NAA11: variants seen among roughly 807,000 people sequenced by gnomAD.
NAA11 encodes the protein N-alpha-acetyltransferase 11.
A neutral mutation model predicts 16.1 loss-of-function variants in NAA11; 15 were observed. That is an observed-to-expected ratio of 0.93 (90% CI 0.62 to 1.44). The LOEUF (loss-of-function observed/expected upper bound fraction) is 1.44. NAA11 is among the 40% of genes most tolerant of loss of function. The pLI is 0.00. For synonymous variants in NAA11, 122 were observed against 112.4 expected, an observed-to-expected ratio of 1.09 and a Z score of -0.54; for missense variants, 298 against 291.3, an observed-to-expected ratio of 1.02 and a Z score of -0.17.
chr4:79,256,937 C>T (rs1167267421), intron 2 of NAA11, among the ~76,000 whole-genome samples: 1 of 151,884 alleles, frequency 6.6e-6, no homozygotes, highest in Non-Finnish European at 1.5e-5. Context: ...CCATGCCCGG[C>T]CTGTAAATAC....
At chr4:79,174,629 G>T in the NAA11 span, among the ~76,000 whole-genome samples, 1 of 152,150 alleles carries the variant, frequency 6.6e-6, no homozygotes, top group Non-Finnish European at 1.5e-5. Context: ...ACAACTGGAT[G>T]CATCAGCTCA....
rs530590232 is a variant in NAA11 at position 79,309,235 on chromosome 4, T to G, written c.*13-15121A>C. On this transcript the variant is annotated intron_variant and NMD_transcript_variant, in intron 1 of 2. Transcript: ENST00000511542. Reference sequence around the variant, plus strand: ...GCTGGTCAAGATGATTTCTTGGAGATTATTGCTCATTTATTTTTTTAACAG... The same window carrying G: ...GCTGGTCAAGATGATTTCTTGGAGAGTATTGCTCATTTATTTTTTTAACAG... 2.3e-4 allele frequency among the ~76,000 whole-genome samples: 35 copies of G among 152,322 alleles called. No homozygotes were observed. The South Asian group carries it at 7.3e-3, about 32-fold the overall frequency.
chr4:79,272,850 G>A (rs905276056), intron 2 of NAA11, among the ~76,000 whole-genome samples: 3 of 151,916 alleles, frequency 2.0e-5, no homozygotes, highest in African/African-American at 4.8e-5. Context: ...GGAACGGGTT[G>A]AATTGCTAGA....
chr4:79,201,969 A>C, the NAA11 span, among the ~76,000 whole-genome samples: 1 of 151,688 alleles, frequency 6.6e-6, no homozygotes, highest in African/African-American at 2.4e-5. Flanking sequence ...GTGAAGTTTC[A>C]ATGCATGTAT....
chr4:79,267,194 T>C (rs921767084), intron 2 of NAA11, among the ~76,000 whole-genome samples: 1 of 152,174 alleles, frequency 6.6e-6, no homozygotes, highest in Non-Finnish European at 1.5e-5. Flanking sequence ...AAAAATTTAA[T>C]AATGGTCTTC....
chr4:79,234,345 G>A (rs1210267829), intron 2 of NAA11, among the ~76,000 whole-genome samples: 2 of 152,110 alleles, frequency 1.3e-5, no homozygotes, highest in African/African-American at 4.8e-5. Context: ...AAGAAGTTCA[G>A]TGGCTTTCTA....
chr4:79,166,560 T>G, the NAA11 span, among the ~76,000 whole-genome samples: 1 of 145,822 alleles, frequency 6.9e-6, no homozygotes, highest in Non-Finnish European at 1.5e-5. Flanking sequence ...ACTCCTGGCC[T>G]CAAGTGATCC....
chr4:79,293,629 A>G (rs945632060), intron 2 of NAA11, among the ~76,000 whole-genome samples: 6 of 152,210 alleles, frequency 3.9e-5, no homozygotes, highest in Non-Finnish European at 8.8e-5. Flanking sequence ...CTTAACCACT[A>G]TGCTAGTTAT....
At chr4:79,225,298 C>T (rs189501223), downstream of NAA11, among the ~76,000 whole-genome samples, 67 of 152,000 alleles carry the variant, frequency 4.4e-4, no homozygotes, top group South Asian at 0.011. Context: ...GGGGGCTGGA[C>T]CTTGCAGGAC....
At chr4:79,308,785 A>C (rs1723667599) in intron 1 of NAA11, 2 of 152,172 alleles carry the variant, frequency 1.3e-5, no homozygotes, top group African/African-American at 2.4e-5. Context: ...ACTAAAAAAA[A>C]AGCTTCAAAA....
At position 79,296,812 on chromosome 4, in the gene NAA11, A is replaced by G. The variant is rs114056419; in HGVS notation, c.*13-2698T>C. Among the ~76,000 whole-genome samples, 1,306 of 152,282 alleles carry G rather than the reference A, an allele frequency of 8.6e-3. 20 individuals are homozygous for G. Among genetic ancestry groups the G allele is most frequent in the African/African-American group, 0.03 (1,262 of 41,544 alleles). On this transcript the variant is annotated intron_variant and NMD_transcript_variant, in intron 1 of 2. Coordinates refer to the NAA11 transcript ENST00000511542. Reference sequence around the variant, plus strand: ...TGATTTAACATTTATCCCCACCCATAGACCACTGAATGTTTTTCCTTTGTT... The same window carrying G: ...TGATTTAACATTTATCCCCACCCATGGACCACTGAATGTTTTTCCTTTGTT...
the NAA11 span, among the ~76,000 whole-genome samples, chr4:79,193,323 G>T: frequency 6.6e-6 from 1 of 152,156 alleles, no homozygotes; most frequent in East Asian, 1.9e-4. Flanking sequence ...GAATGGTATT[G>T]CCTAGGTTTT....
At chr4:79,276,879 G>A (rs1215474934) in intron 2 of NAA11, among the ~76,000 whole-genome samples, 1 of 152,124 alleles carries the variant, frequency 6.6e-6, no homozygotes, top group Non-Finnish European at 1.5e-5. Flanking sequence ...CAATATTTTG[G>A]TGGGTGACAG....
At chr4:79,309,048 A>G (rs1038806828) in intron 1 of NAA11, among the ~76,000 whole-genome samples, 1 of 152,246 alleles carries the variant, frequency 6.6e-6, no homozygotes, top group African/African-American at 2.4e-5. Context: ...GCATACACAT[A>G]AAATAATCCA....
At chr4:79,291,911 G>A (rs1445464286) in intron 2 of NAA11, among the ~76,000 whole-genome samples, 1 of 152,072 alleles carries the variant, frequency 6.6e-6, no homozygotes, top group African/African-American at 2.4e-5. Flanking sequence ...GGGTAGATAA[G>A]CATAAATTTT....
chr4:79,231,541 T>A (rs1478082443), intron 2 of NAA11, among the ~76,000 whole-genome samples: 3 of 151,902 alleles, frequency 2.0e-5, no homozygotes, highest in Non-Finnish European at 2.9e-5. Context: ...TTTTTGAAAC[T>A]GTGCCAACTT....
chr4:79,275,416 T>C (rs1722625543), intron 2 of NAA11, among the ~76,000 whole-genome samples: 1 of 152,032 alleles, frequency 6.6e-6, no homozygotes, highest in African/African-American at 2.4e-5. Context: ...AGGGGAAAAT[T>C]GAGGCAGATT....
At chr4:79,165,127 G>T in the NAA11 span, among the ~76,000 whole-genome samples, 1 of 152,202 alleles carries the variant, frequency 6.6e-6, no homozygotes. Context: ...AGCACCAGAA[G>T]AGCCCATTTA....
chr4:79,157,849 G>A, the NAA11 span, among the ~76,000 whole-genome samples: 1 of 151,534 alleles, frequency 6.6e-6, no homozygotes, highest in Non-Finnish European at 1.5e-5. Flanking sequence ...AAGAAACTAG[G>A]GCATCCAAAT....
Sources: gnomAD v4.1 joint callset for allele counts (sites outside exome capture counted in the v4.1 genomes callset) on GRCh38, gnomAD v4.1.1 for gene constraint, MANE v1.5 for transcripts, NCBI Gene and HGNC (gene_info 2026-07-23, HGNC 2026-07-21) for gene names.